GAK: variants seen among roughly 807,000 people sequenced by gnomAD.
The protein encoded by GAK is cyclin G associated kinase, also known as cyclin-G-associated kinase.
A neutral mutation model predicts 143.9 loss-of-function variants in GAK; 79 were observed. That is an observed-to-expected ratio of 0.55 (90% confidence interval 0.46 to 0.66). The LOEUF (loss-of-function observed/expected upper bound fraction) is 0.66, where lower values mean the gene tolerates loss of function less well. Among genes scored for constraint, GAK ranks in the 30% least tolerant of loss-of-function variants. The pLI is 0.00. For synonymous variants in GAK, 881 were observed against 765.5 expected, an observed-to-expected ratio of 1.15 and a Z score of -2.49; for missense variants, 1,693 against 1,779.7, an observed-to-expected ratio of 0.95 and a Z score of 0.88.
At chr4:873,140 G>A (rs967390417) in intron 18 of GAK, among the ~76,000 whole-genome samples, 3 of 152,200 alleles carry the variant, frequency 2.0e-5, no homozygotes, top group East Asian at 1.9e-4. Flanking sequence ...GCCACTGTGC[G>A]CAACCAACCT....
chr4:856,033 G>A (rs1749062600), intron 24 of GAK, among the ~76,000 whole-genome samples: 1 of 152,202 alleles, frequency 6.6e-6, no homozygotes, highest in African/African-American at 2.4e-5. Context: ...AGACTGGAGT[G>A]CAGTGATGCA....
chr4:905,398 C>G (rs1560409872), intron 4 of GAK, among the ~76,000 whole-genome samples: 1 of 152,202 alleles, frequency 6.6e-6, no homozygotes, highest in South Asian at 2.1e-4. Context: ...AATCAGTGCT[C>G]TGCCCTCCCT....
chr4:909,431 G>A (rs1363912390), intron 4 of GAK, among the ~76,000 whole-genome samples: 2 of 152,078 alleles, frequency 1.3e-5, no homozygotes, highest in African/African-American at 4.8e-5. Context: ...ACGAGGCCCC[G>A]GTATGCGCAC....
intron 1 of GAK, among the ~76,000 whole-genome samples, chr4:918,353 C>T (rs751099724): frequency 5.3e-5 from 8 of 152,224 alleles, no homozygotes; most frequent in Non-Finnish European, 1.2e-4. Context: ...GCACTGTAAG[C>T]CAACATTTTA....
In GAK at chr4:912,759, G is replaced by A. The variant is rs1722263999; in HGVS notation, c.243C>T (p.Ala81=). Residue 81 remains alanine (A), a synonymous_variant, in exon 3 of 28, where the codon GCC becomes GCT. Coordinates refer to ENST00000314167, the MANE Select transcript of GAK (RefSeq NM_005255.4). ...LLSNEEEKNR[A]IIQEVCFMKK... ...CCATGAAGCAAACTTCTTGAATGAT[G>A]GCTCTGTTCTTTTCCTCTTCATTGG... 2 of 1,613,744 alleles carry A rather than the reference G, an allele frequency of 1.2e-6. No individual in the cohort carries two copies. The highest frequency in any genetic ancestry group is 1.7e-6 in the Non-Finnish European group (2 of 1,179,854).
chr4:908,331 A>G (rs1196322646), intron 4 of GAK, among the ~76,000 whole-genome samples: 1 of 152,174 alleles, frequency 6.6e-6, no homozygotes, highest in Non-Finnish European at 1.5e-5. Flanking sequence ...ACACCAGGAA[A>G]ACCAAGCAGC....
intron 20 of GAK, among the ~76,000 whole-genome samples, 186 bp from the exon 21 acceptor site, chr4:867,618 C>A (rs1043786586): frequency 6.6e-6 from 1 of 151,004 alleles, no homozygotes; most frequent in Admixed American, 6.6e-5. Flanking sequence ...ACACACGTGG[C>A]CAGCACCAGG....
chr4:915,095 C>T (rs1722897807), intron 1 of GAK, among the ~76,000 whole-genome samples: 1 of 147,022 alleles, frequency 6.8e-6, no homozygotes, highest in Admixed American at 6.8e-5. Context: ...CACACACAGC[C>T]CCAGCGTACA....
chr4:850,279 G>A, intron 26 of GAK: 1 of 464,326 alleles, frequency 2.2e-6, no homozygotes, highest in East Asian at 3.2e-5. Flanking sequence ...CATGTTTCAG[G>A]GCCTGGGGCC....
At chr4:922,951 A>T (rs1222359333) in intron 1 of GAK, among the ~76,000 whole-genome samples, 2 of 152,226 alleles carry the variant, frequency 1.3e-5, no homozygotes. Context: ...ACTCACGCAG[A>T]GGAGTCTCAC....
chr4:920,466 G>C (rs1179463161), intron 1 of GAK, among the ~76,000 whole-genome samples: 1 of 151,828 alleles, frequency 6.6e-6, no homozygotes, highest in African/African-American at 2.4e-5. Context: ...ACGCCACCAG[G>C]AAGGAGAAGG....
At chr4:851,617 C>T in intron 25 of GAK, 133 bp downstream of exon 25, 12 of 884,402 alleles carry the variant, frequency 1.4e-5, no homozygotes, top group East Asian at 5.0e-5. Flanking sequence ...GAAACCGCGT[C>T]GTTCTCTGAG....
At chr4:886,604 T>G (rs1716383632) in intron 11 of GAK, 1 of 152,264 alleles carries the variant, frequency 6.6e-6, no homozygotes, top group Admixed American at 6.5e-5. Flanking sequence ...CTTATGGCTT[T>G]GCTGCCGCAT....
chr4:871,497 C>T (rs1371740869), intron 18 of GAK, among the ~76,000 whole-genome samples: 1 of 152,248 alleles, frequency 6.6e-6, no homozygotes, highest in Non-Finnish European at 1.5e-5. Flanking sequence ...ACCAAGACCT[C>T]TAGAATCCGG....
chr4:868,423 G>C, intron 20 of GAK, 116 bp downstream of exon 20: 1 of 1,005,828 alleles, frequency 9.9e-7, no homozygotes, highest in South Asian at 1.6e-5. Flanking sequence ...GCCCCACTGA[G>C]GTGCAACTCA....
intron 18 of GAK, among the ~76,000 whole-genome samples, chr4:876,183 A>G (rs1713827642): frequency 6.6e-6 from 1 of 152,172 alleles, no homozygotes; most frequent in Non-Finnish European, 1.5e-5. Context: ...ACTGCCCCGC[A>G]TCATCTCCAG....
chr4:911,617 T>A (rs185645176), intron 4 of GAK, 56 bp downstream of exon 4: 3 of 1,248,970 alleles, frequency 2.4e-6, no homozygotes, highest in East Asian at 4.7e-5. Context: ...TTAGGAGGCA[T>A]CAAGCCGGCC....
intron 7 of GAK, 193 bp from the exon 8 acceptor site, chr4:894,202 G>A (rs1718281757): frequency 1.7e-6 from 1 of 574,544 alleles, no homozygotes; most frequent in South Asian, 3.1e-5. Context: ...GGGAAATGCA[G>A]GGGTGACACC....
At chr4:917,538 A>G (rs947775825) in intron 1 of GAK, among the ~76,000 whole-genome samples, 1 of 152,278 alleles carries the variant, frequency 6.6e-6, no homozygotes, top group Non-Finnish European at 1.5e-5. Flanking sequence ...AAGAGAGTAC[A>G]TATACACATA....
Sources: gnomAD v4.1 joint callset for allele counts (sites outside exome capture counted in the v4.1 genomes callset) on GRCh38, gnomAD v4.1.1 for gene constraint, MANE v1.5 for transcripts, NCBI Gene and HGNC (gene_info 2026-07-23, HGNC 2026-07-21) for gene names.